SIPA1L1: variants seen among roughly 807,000 people sequenced by gnomAD.
SIPA1L1 encodes the protein signal-induced proliferation-associated 1-like protein 1.
In SIPA1L1, 26 loss-of-function variants were observed where a neutral mutation model predicts 162.7. The ratio of observed to expected loss-of-function variants is 0.16; its 90% CI spans 0.12 to 0.22. The LOEUF is 0.22. Ranked by LOEUF, SIPA1L1 falls within the 10% of genes least tolerant of loss-of-function variation. The pLI, the probability that SIPA1L1 is intolerant of heterozygous loss-of-function variation, is 1.00. For synonymous variants in SIPA1L1, 829 were observed against 837.4 expected, an observed-to-expected ratio of 0.99 and a Z score of 0.17; for missense variants, 1,874 against 2,241.0, an observed-to-expected ratio of 0.84 and a Z score of 3.31.
chr14:71,575,970 A>G (rs1368580233), intron 4 of SIPA1L1, among the ~76,000 whole-genome samples: 1 of 152,258 alleles, frequency 6.6e-6, no homozygotes, highest in Non-Finnish European at 1.5e-5. Flanking sequence ...TGAAATAACC[A>G]TGATTACGTT....
intron 2 of SIPA1L1, among the ~76,000 whole-genome samples, chr14:71,492,615 T>A (rs183812685): frequency 3.3e-5 from 5 of 152,158 alleles, no homozygotes; most frequent in Non-Finnish European, 7.4e-5. Flanking sequence ...AGCTCTTTAG[T>A]GGTCAGAATA....
chr14:71,587,811 C>A lies in SIPA1L1; in HGVS notation c.-62C>A. 6.8e-7 allele frequency: 1 copy of A among 1,466,164 alleles called. No homozygotes were observed. The highest frequency in any genetic ancestry group is 9.3e-7 in the Non-Finnish European group (1 of 1,080,244). 90.8% of individuals were successfully genotyped at this position (1,466,164 alleles called of 1,614,324 possible). A position where few individuals can be genotyped will look rare whatever the true frequency, so the allele number is the denominator to read the frequency against. On this transcript the variant is annotated 5_prime_UTR_variant, in exon 5 of 24. Coordinates refer to ENST00000381232, the MANE Select transcript of SIPA1L1 (RefSeq NM_001386936.1). ...AGCCATTCTCCAAAAGGGAAGTGCA[C>A]ATTTAAAACACAGATATGATGGTCC...
chr14:71,572,522 G>A lies in SIPA1L1; in HGVS notation c.-302-15049G>A, dbSNP rs1214951717. ...AAAGAAGAAATGAAATCTGGGAGAC[G>A]TGGGATCCATCCAGGAGAGAAAGAA... is the stretch of plus-strand genomic sequence containing the variant. On this transcript the variant is annotated intron_variant, in intron 4 of 23. Coordinates refer to ENST00000381232, the MANE Select transcript of SIPA1L1 (RefSeq NM_001386936.1). Among the ~76,000 whole-genome samples the A allele has an allele frequency of 3.3e-5, 5 of 152,282 alleles. No individual in the cohort carries two copies. In the Middle Eastern group the frequency reaches 0.01, roughly 311 times the overall value.
chr14:71,500,026 A>T (rs994170963), intron 2 of SIPA1L1, among the ~76,000 whole-genome samples: 1 of 152,202 alleles, frequency 6.6e-6, no homozygotes, highest in Non-Finnish European at 1.5e-5. Context: ...TAAAATATCT[A>T]TTATAAACAT....
chr14:71,543,130 C>T (rs1224474951), intron 4 of SIPA1L1, among the ~76,000 whole-genome samples: 4 of 152,180 alleles, frequency 2.6e-5, no homozygotes, highest in African/African-American at 9.7e-5. Flanking sequence ...CATCCACTCT[C>T]AGATCTTTTC....
At chr14:71,727,938 G>C (rs2084392510) in intron 19 of SIPA1L1, among the ~76,000 whole-genome samples, 1 of 152,222 alleles carries the variant, frequency 6.6e-6, no homozygotes. Context: ...TTCACTGCAG[G>C]GTGTTTTAAC....
In SIPA1L1 at chr14:71,672,568, C is replaced by G. The variant is rs369253236; in HGVS notation, c.3050C>G (p.Ser1017Cys). The change falls in exon 12 of 24, where the codon TCT (serine) becomes TGT (cysteine). Residue 1017 changes from serine to cysteine, a missense_variant. By Grantham distance (112) the Ser-to-Cys change is moderately radical (BLOSUM62 -1). Around this residue, in one of 5 missense-constraint regions of SIPA1L1, gnomAD observed 936 missense variants for 1,051.9 expected, o/e 0.89. Transcript: ENST00000381232. The part of the protein sequence containing the change: ...HEQMIDLLRT[S>C]VTVKVVIIPP... ...CAGATGATCGACCTCCTGAGAACAT[C>G]TGTCACGGTGAAGGTTGTCATCATT... 12 of 1,614,210 alleles carry G rather than the reference C, an allele frequency of 7.4e-6. No homozygotes were observed. Among genetic ancestry groups the G allele is most frequent in the Non-Finnish European group, 1.0e-5 (12 of 1,180,042 alleles).
At chr14:71,383,761 A>T (rs1306656873) in intron 2 of SIPA1L1, among the ~76,000 whole-genome samples, 1 of 152,092 alleles carries the variant, frequency 6.6e-6, no homozygotes, top group Non-Finnish European at 1.5e-5. Context: ...GCCAGAACTC[A>T]CTTATCACCA....
At chr14:71,729,975 T>A (rs2084610124) in intron 19 of SIPA1L1, 80 bp from the exon 20 acceptor site, 5 of 1,508,890 alleles carry the variant, frequency 3.3e-6, no homozygotes, top group Non-Finnish European at 4.5e-6. Flanking sequence ...GTAACTTGGT[T>A]ATCCCACCCT....
chr14:71,407,551 G>C (rs1370602740), intron 2 of SIPA1L1, among the ~76,000 whole-genome samples: 1 of 137,938 alleles, frequency 7.2e-6, no homozygotes, highest in Non-Finnish European at 1.5e-5. Context: ...TTGTTGCCCA[G>C]TTGGGAGTGT....
chr14:71,572,376 A>G (rs2032242541), intron 4 of SIPA1L1, among the ~76,000 whole-genome samples: 1 of 152,198 alleles, frequency 6.6e-6, no homozygotes, highest in Non-Finnish European at 1.5e-5. Flanking sequence ...CCAGCCAACC[A>G]TCAGTCAGTT....
chr14:71,736,403 A>G (rs1390662207), intron 22 of SIPA1L1, among the ~76,000 whole-genome samples: 1 of 152,212 alleles, frequency 6.6e-6, no homozygotes, highest in Non-Finnish European at 1.5e-5. Context: ...TCTTAAGAAA[A>G]AGGAAAAAAC....
At chr14:71,705,399 C>G in intron 16 of SIPA1L1, 59 bp downstream of exon 16, 1 of 1,220,078 alleles carries the variant, frequency 8.2e-7, no homozygotes, top group Non-Finnish European at 1.2e-6. Flanking sequence ...CTTCCTTGCA[C>G]TATGAAAATG....
chr14:71,379,926 T>A (rs973050480), intron 2 of SIPA1L1, among the ~76,000 whole-genome samples: 1 of 152,218 alleles, frequency 6.6e-6, no homozygotes, highest in African/African-American at 2.4e-5. Flanking sequence ...TGTAAATGAT[T>A]AGCTATTTTT....
intron 14 of SIPA1L1, among the ~76,000 whole-genome samples, chr14:71,700,099 T>A (rs972745928): frequency 6.6e-5 from 10 of 152,050 alleles, no homozygotes; most frequent in African/African-American, 2.2e-4. Flanking sequence ...GAAATGAAAT[T>A]AAAAGTTCAT....
chr14:71,500,343 G>GC (rs1477583549), intron 2 of SIPA1L1, among the ~76,000 whole-genome samples: 1 of 152,114 alleles, frequency 6.6e-6, no homozygotes, highest in East Asian at 1.9e-4. Flanking sequence ...ACTTGAAGAA[G>GC]CAATTCACAA....
At position 71,588,462 on chromosome 14, in the gene SIPA1L1, A is replaced by G; in HGVS notation, c.590A>G (p.Lys197Arg). 1 of 1,614,142 alleles carries G rather than the reference A, an allele frequency of 6.2e-7. No homozygotes were observed. The highest frequency in any genetic ancestry group is 1.7e-5 in the Admixed American group (1 of 60,020). The change falls in exon 5 of 24, where the codon AAG (lysine) becomes AGG (arginine). Residue 197 changes from lysine (K) to arginine (R), a missense_variant. Around this residue, in one of 5 missense-constraint regions of SIPA1L1, gnomAD observed 685 missense variants for 828.0 expected, o/e 0.83. Coordinates refer to ENST00000381232, the MANE Select transcript of SIPA1L1 (RefSeq NM_001386936.1). This position sits in a 1 kb window ranked among gnomAD's most constrained non-coding sequence, Gnocchi z 4.3. ...SFDECISPTY[K>R]TGPSLHREYG... is the part of the protein sequence containing the mutation. ...GATGAATGTATCTCACCTACATACA[A>G]GACTGGACCATCACTGCACAGGGAA...
intron 2 of SIPA1L1, among the ~76,000 whole-genome samples, chr14:71,457,036 CCT>C (rs1245637939): frequency 2.0e-5 from 3 of 152,178 alleles, no homozygotes; most frequent in Non-Finnish European, 4.4e-5. Context: ...ACTGCCTTGG[CCT>C]CCCAAAGTGC....
chr14:71,422,730 G>A (rs1285356147), intron 2 of SIPA1L1, among the ~76,000 whole-genome samples: 5 of 152,176 alleles, frequency 3.3e-5, no homozygotes, highest in Admixed American at 6.5e-5. Context: ...TTCATCCATC[G>A]ATGGACACTT....
Sources: allele counts gnomAD v4.1 joint callset (sites outside exome capture counted in the v4.1 genomes callset), GRCh38; gene constraint gnomAD v4.1.1; regional missense constraint gnomAD v4.1.1; non-coding constraint Gnocchi (gnomAD v3.1); transcripts MANE v1.5; gene names NCBI Gene and HGNC (gene_info 2026-07-23, HGNC 2026-07-21).